The following DDX10 variants were observed in gnomAD, a reference collection of about 807,000 sequenced individuals.
The protein encoded by DDX10 is DEAD-box helicase 10, also known as probable ATP-dependent RNA helicase DDX10.
In DDX10, 74 loss-of-function variants were observed where a neutral mutation model predicts 104.3. The observed-to-expected ratio is 0.71, with a 90% CI of 0.59 to 0.86. The LOEUF (loss-of-function observed/expected upper bound fraction) is 0.86, where lower values mean the gene tolerates loss of function less well. Ranked by LOEUF, DDX10 falls within the 40% of genes least tolerant of loss-of-function variation. The probability of loss-of-function intolerance (pLI) is 0.00; values close to 1 mark genes in which losing one functional copy is unlikely to be tolerated. For synonymous variants in DDX10, 351 were observed against 353.4 expected (o/e 0.99, Z 0.08); for missense variants, 952 against 1,040.0 (o/e 0.92, Z 1.16).
At chr11:108,700,302 C>T (rs1212188316) in intron 9 of DDX10, among the ~76,000 whole-genome samples, 2 of 152,120 alleles carry the variant, frequency 1.3e-5, no homozygotes, top group Non-Finnish European at 2.9e-5. Context: ...GAAAGAGGTT[C>T]TCATATTAGG....
intron 13 of DDX10, among the ~76,000 whole-genome samples, chr11:108,790,925 C>CAG (rs1861861956): frequency 6.6e-6 from 1 of 152,176 alleles, no homozygotes. Flanking sequence ...CATTTATCTA[C>CAG]AGAATAAAAA....
At chr11:108,872,717 T>C (rs1475003597) in intron 16 of DDX10, among the ~76,000 whole-genome samples, 1 of 152,218 alleles carries the variant, frequency 6.6e-6, no homozygotes, top group Non-Finnish European at 1.5e-5. Context: ...GATGTGTGTT[T>C]GTGTTTGAAT....
chr11:108,854,207 C>T (rs1169579924), intron 16 of DDX10, among the ~76,000 whole-genome samples: 1 of 152,108 alleles, frequency 6.6e-6, no homozygotes, highest in Non-Finnish European at 1.5e-5. Context: ...GGGTTGAAGG[C>T]TCTCATGGCT....
intron 13 of DDX10, among the ~76,000 whole-genome samples, chr11:108,734,592 T>C (rs2094316188): frequency 6.6e-6 from 1 of 152,210 alleles, no homozygotes; most frequent in Non-Finnish European, 1.5e-5. Flanking sequence ...AATCATTATA[T>C]CAAATATTGA....
chr11:108,800,634 G>A (rs1221737715), intron 13 of DDX10, among the ~76,000 whole-genome samples: 1 of 152,052 alleles, frequency 6.6e-6, no homozygotes, highest in Admixed American at 6.5e-5. Flanking sequence ...ACATTTATAA[G>A]AAATCAAAAT....
At chr11:108,715,633 C>T (rs1363681645) in intron 10 of DDX10, among the ~76,000 whole-genome samples, 3 of 152,158 alleles carry the variant, frequency 2.0e-5, no homozygotes, top group African/African-American at 7.2e-5. Context: ...GGTGTTAATC[C>T]AAGTATTTCA....
At chr11:108,683,089 T>C (rs1016689353) in intron 6 of DDX10, among the ~76,000 whole-genome samples, 19 of 152,160 alleles carry the variant, frequency 1.2e-4, no homozygotes, top group African/African-American at 4.1e-4. Flanking sequence ...AGACTTGGGG[T>C]ATAATCTTCA....
chr11:108,687,255 C>T (rs960433556), intron 6 of DDX10, among the ~76,000 whole-genome samples: 9 of 152,108 alleles, frequency 5.9e-5, no homozygotes, highest in South Asian at 4.1e-4. Flanking sequence ...AGTGACATAT[C>T]GTTATTTTAA....
chr11:108,927,458 A>G (rs1301102539), intron 17 of DDX10, among the ~76,000 whole-genome samples: 1 of 152,126 alleles, frequency 6.6e-6, no homozygotes, highest in Non-Finnish European at 1.5e-5. Flanking sequence ...TTGCCGTTTT[A>G]TAACTTAATT....
chr11:108,690,374 C>T (rs1206034561), intron 7 of DDX10: 1 of 152,846 alleles, frequency 6.5e-6, no homozygotes, highest in African/African-American at 2.4e-5. Flanking sequence ...TGTCAATACC[C>T]ACCATCAGCA....
At chr11:108,737,712 C>T (rs957676969) in intron 13 of DDX10, among the ~76,000 whole-genome samples, 20 of 152,100 alleles carry the variant, frequency 1.3e-4, no homozygotes, top group Middle Eastern at 3.2e-3. Context: ...GTCTTGGAGC[C>T]GTTTTCCTTC....
chr11:108,666,337 G>A (rs2094210099), intron 1 of DDX10, among the ~76,000 whole-genome samples: 1 of 152,148 alleles, frequency 6.6e-6, no homozygotes, highest in African/African-American at 2.4e-5. Context: ...AAAATTAGCT[G>A]GGCCTAGTGG....
chr11:108,931,528 T>G (rs995413375), intron 17 of DDX10, among the ~76,000 whole-genome samples: 1 of 152,196 alleles, frequency 6.6e-6, no homozygotes, highest in Non-Finnish European at 1.5e-5. Context: ...TTAAAAGCAG[T>G]CATTTCAACA....
At chr11:108,933,104 A>C (rs967221521) in intron 17 of DDX10, among the ~76,000 whole-genome samples, 3 of 152,020 alleles carry the variant, frequency 2.0e-5, no homozygotes, top group Non-Finnish European at 4.4e-5. Context: ...TAGGGGCAAG[A>C]GATTGAGCTC....
chr11:108,728,239 T>TC (rs1384015959), intron 13 of DDX10, among the ~76,000 whole-genome samples: 1 of 152,148 alleles, frequency 6.6e-6, no homozygotes, highest in African/African-American at 2.4e-5. Flanking sequence ...ACTTAGTGTT[T>TC]CTCACATCCA....
chr11:108,741,106 A>G (rs551143427), intron 13 of DDX10, among the ~76,000 whole-genome samples: 2 of 152,044 alleles, frequency 1.3e-5, no homozygotes, highest in South Asian at 4.2e-4. Flanking sequence ...CGAAGATCAG[A>G]TGGTTGTAGG....
At chr11:108,713,790 G>T (rs2094287695) in intron 10 of DDX10, among the ~76,000 whole-genome samples, 1 of 152,174 alleles carries the variant, frequency 6.6e-6, no homozygotes, top group African/African-American at 2.4e-5. Context: ...TTAGTGCTGT[G>T]GTGGTAAGGT....
intron 13 of DDX10, among the ~76,000 whole-genome samples, chr11:108,745,568 T>G (rs2094330929): frequency 6.6e-6 from 1 of 152,166 alleles, no homozygotes; most frequent in Non-Finnish European, 1.5e-5. Context: ...TTTAATGTTA[T>G]CCAGTGTTAC....
chr11:108,696,774 T>C (rs2094260475), intron 9 of DDX10, among the ~76,000 whole-genome samples: 1 of 152,330 alleles, frequency 6.6e-6, no homozygotes, highest in South Asian at 2.1e-4. Flanking sequence ...TATTTTCATA[T>C]GTATTACATT....
Sources: allele counts gnomAD v4.1 joint callset (sites outside exome capture counted in the v4.1 genomes callset), GRCh38; gene constraint gnomAD v4.1.1; transcripts MANE v1.5; gene names NCBI Gene and HGNC (gene_info 2026-07-23, HGNC 2026-07-21).